Variants in ACER1 observed in about 807,000 individuals in gnomAD.
ACER1 encodes the protein alkaline ceramidase 1, also known as CTB-180A7.3.
ACER1 carries 28 observed loss-of-function variants against 24.9 expected under a neutral mutation model. That is an observed-to-expected ratio of 1.13 (90% confidence interval 0.83 to 1.54). ACER1 has a LOEUF of 1.54. Among genes scored for constraint, ACER1 ranks in the 40% most tolerant of loss-of-function variants. ACER1 has a pLI of 0.00. For synonymous variants in ACER1, 132 were observed against 131.4 expected, an observed-to-expected ratio of 1.00 and a Z score of -0.03; for missense variants, 352 against 349.3, an observed-to-expected ratio of 1.01 and a Z score of -0.06.
At chr19:6,359,366 T>A in the ACER1 span, among the ~76,000 whole-genome samples, 1 of 151,320 alleles carries the variant, frequency 6.6e-6, no homozygotes, top group African/African-American at 2.4e-5. Flanking sequence ...TTGCCCAGGC[T>A]GGAGTACAGT....
chr19:6,307,212 A>C lies in ACER1; in HGVS notation c.567T>G (p.Ser189Arg), dbSNP rs1158723008. The C allele has an allele frequency of 5.6e-6, 9 of 1,614,162 alleles. No individual in the cohort carries two copies. In the East Asian group the frequency reaches 2.0e-4, roughly 36 times the overall value. Residue 189 changes from serine to arginine, a missense_variant, in exon 5 of 6, where the codon AGT (serine) becomes AGG (arginine). Transcript: ENST00000301452. ...LWAVALTSWI[S>R]DRLLCSFWQR... Reference sequence around the variant, plus strand: ...GCCAGAAGCTGCAAAGCAGACGGTCACTGATCCAGCTGGTCAGAGCAACAG... The same window carrying C: ...GCCAGAAGCTGCAAAGCAGACGGTCCCTGATCCAGCTGGTCAGAGCAACAG...
At chr19:6,354,653 C>T in the ACER1 span, among the ~76,000 whole-genome samples, 1 of 152,192 alleles carries the variant, frequency 6.6e-6, no homozygotes, top group Non-Finnish European at 1.5e-5. Flanking sequence ...AGTGCAGTGG[C>T]TCACGCCTGT....
chr19:6,310,025 G>A (rs1328171520), intron 3 of ACER1, among the ~76,000 whole-genome samples, 191 bp from the exon 4 acceptor site: 6 of 152,066 alleles, frequency 3.9e-5, no homozygotes, highest in Non-Finnish European at 8.8e-5. Context: ...ACCTTGGGAG[G>A]CTGAGGTGGG....
chr19:6,350,750 T>A, the ACER1 span, among the ~76,000 whole-genome samples: 2 of 152,124 alleles, frequency 1.3e-5, no homozygotes, highest in Non-Finnish European at 2.9e-5. Context: ...TGTTCTCTGT[T>A]TTCTTTGCAT....
the ACER1 span, among the ~76,000 whole-genome samples, chr19:6,358,808 C>T: frequency 2.6e-5 from 4 of 151,180 alleles, no homozygotes; most frequent in African/African-American, 9.8e-5. Flanking sequence ...TGGTGGGCGC[C>T]TGTAATCCCA....
the ACER1 span, among the ~76,000 whole-genome samples, chr19:6,346,411 T>C: frequency 6.6e-6 from 1 of 152,134 alleles, no homozygotes; most frequent in Non-Finnish European, 1.5e-5. Context: ...TCTAAGGTTA[T>C]TGGTTATTAA....
chr19:6,309,751 G>A lies in ACER1; in HGVS notation c.434C>T (p.Ala145Val). 7.4e-6 allele frequency: 12 copies of A among 1,614,142 alleles called. No homozygotes were observed. Among genetic ancestry groups the A allele is most frequent in the Non-Finnish European group, 1.0e-5 (12 of 1,180,010 alleles). The change falls in exon 4 of 6, where the codon GCC (alanine) becomes GTC (valine). Residue 145 changes from alanine to valine, a missense_variant. Physicochemically the swap from Ala to Val is moderately conservative, Grantham distance 64 (BLOSUM62 0). Coordinates refer to ENST00000301452, the MANE Select transcript of ACER1 (RefSeq NM_133492.3). ...SFLRPTVNAYALNSIALHILY... is the reference protein window; with the variant it reads ...SFLRPTVNAYVLNSIALHILY... Reference sequence around the variant, plus strand: ...AATGTGCAGGGCAATGCTGTTGAGGGCGTAGGCGTTGACCGTGGGCCGCAG... The same window carrying A: ...AATGTGCAGGGCAATGCTGTTGAGGACGTAGGCGTTGACCGTGGGCCGCAG...
the ACER1 span, among the ~76,000 whole-genome samples, chr19:6,341,542 A>AAAAAAG: frequency 1.3e-5 from 2 of 151,394 alleles, no homozygotes; most frequent in Admixed American, 6.6e-5. Flanking sequence ...AAAAAAGAAA[A>AAAAAAG]AAAAAGAAAA....
chr19:6,326,187 A>G (rs1416815495), intron 1 of ACER1, among the ~76,000 whole-genome samples: 2 of 134,756 alleles, frequency 1.5e-5, no homozygotes, highest in East Asian at 4.4e-4. Flanking sequence ...GTGCAGTGGC[A>G]CCATCTCGGC....
At chr19:6,351,375 A>AT in the ACER1 span, among the ~76,000 whole-genome samples, 6 of 151,688 alleles carry the variant, frequency 4.0e-5, no homozygotes, top group African/African-American at 1.5e-4. Flanking sequence ...TCAAAAAATA[A>AT]AAATAATAAT....
At chr19:6,342,229 T>C in the ACER1 span, among the ~76,000 whole-genome samples, 1 of 150,798 alleles carries the variant, frequency 6.6e-6, no homozygotes, top group South Asian at 2.1e-4. Context: ...GATAAATGAA[T>C]TCTGGTTGTG....
Position 6,312,217 on chromosome 19 carries a change from C to T in ACER1, c.282G>A (p.Trp94Ter). ...ATATGCTATAGCCACTGCCCAGGAG[C>T]CACAGGATGGCGATCTCGTCCAGCA... Reference protein sequence around the residue: ...GQLLDEIAILWLLGSGYSIWM... With the variant: ...GQLLDEIAIL Residue 94 changes from tryptophan to a stop codon, truncating the protein, a stop_gained, in exon 3 of 6, where the codon TGG (tryptophan) becomes TGA (stop). Transcript: ENST00000301452. LOFTEE classifies it high-confidence loss of function. 1.2e-6 allele frequency: 2 copies of T among 1,614,026 alleles called. No individual in the cohort carries two copies. Among genetic ancestry groups the T allele is most frequent in the Non-Finnish European group, 1.7e-6 (2 of 1,179,948 alleles).
At chr19:6,348,757 CA>C in the ACER1 span, among the ~76,000 whole-genome samples, 1 of 151,870 alleles carries the variant, frequency 6.6e-6, no homozygotes, top group Non-Finnish European at 1.5e-5. Context: ...TCACAGTTGT[CA>C]AAGAAAGAAG....
At chr19:6,335,607 G>C (rs1440131791), upstream of ACER1, among the ~76,000 whole-genome samples, 1 of 151,944 alleles carries the variant, frequency 6.6e-6, no homozygotes, top group Non-Finnish European at 1.5e-5. Flanking sequence ...AAGGCGGGAG[G>C]ATCACAAGGT....
chr19:6,335,224 C>CTTTTTTTTTTTTTT (rs146932699), upstream of ACER1, among the ~76,000 whole-genome samples: 2 of 102,230 alleles, frequency 2.0e-5, no homozygotes, highest in African/African-American at 3.9e-5. Context: ...ATTTAACGTT[C>CTTTTTTTTTTTTTT]TTTTTTTTTT....
At chr19:6,335,472 C>T (rs1419968627), upstream of ACER1, among the ~76,000 whole-genome samples, 1 of 152,052 alleles carries the variant, frequency 6.6e-6, no homozygotes, top group African/African-American at 2.4e-5. Context: ...ATCTGCCCGT[C>T]TCGACTTCCC....
upstream of ACER1, among the ~76,000 whole-genome samples, chr19:6,336,951 G>A (rs2091716929): frequency 6.6e-6 from 1 of 151,996 alleles, no homozygotes; most frequent in Admixed American, 6.6e-5. Flanking sequence ...TGAGGCAGGT[G>A]GAGCACTTGA....
intron 1 of ACER1, among the ~76,000 whole-genome samples, chr19:6,326,144 A>ATTG (rs972822484): frequency 1.4e-5 from 2 of 139,450 alleles, no homozygotes; most frequent in Admixed American, 7.2e-5. Context: ...TTTTTTTTTA[A>ATTG]AGACGGAGTC....
chr19:6,317,198 T>G (rs981427928), intron 1 of ACER1, among the ~76,000 whole-genome samples: 8 of 152,060 alleles, frequency 5.3e-5, no homozygotes, highest in Non-Finnish European at 1.2e-4. Context: ...GTTTTCAAAC[T>G]CCTGACCTCA....
Sources: allele counts gnomAD v4.1 joint callset (sites outside exome capture counted in the v4.1 genomes callset), GRCh38; gene constraint gnomAD v4.1.1; transcripts MANE v1.5; gene names NCBI Gene and HGNC (gene_info 2026-07-23, HGNC 2026-07-21).